Variants in CACNG1 observed in about 807,000 individuals in gnomAD.
CACNG1 encodes the protein voltage-dependent calcium channel gamma-1 subunit.
CACNG1 carries 21 observed loss-of-function variants against 22.0 expected under a neutral mutation model. The ratio of observed to expected loss-of-function variants is 0.95; its 90% CI spans 0.68 to 1.37. The LOEUF is 1.37. CACNG1 is among the 40% of genes most tolerant of loss of function. CACNG1 has a pLI of 0.00. For missense variants in CACNG1, 291 were observed against 308.6 expected, an observed-to-expected ratio of 0.94 and a Z score of 0.43; for synonymous variants, 127 against 129.2, an observed-to-expected ratio of 0.98 and a Z score of 0.12.
rs983507863 is a variant in CACNG1 at position 67,054,431 on chromosome 17, C to G, written c.304+361C>G. Among the ~76,000 whole-genome samples the G allele has an allele frequency of 1.3e-5, 2 of 152,210 alleles. No homozygotes were observed. The highest frequency in any genetic ancestry group is 2.4e-5 in the African/African-American group (1 of 41,456). On this transcript the variant is annotated intron_variant, in intron 2 of 3. Coordinates refer to ENST00000226021, the MANE Select transcript of CACNG1 (RefSeq NM_000727.4). This position sits in a 1 kb window ranked among gnomAD's most constrained non-coding sequence, Gnocchi z 4.6. ...ATGTGATAGTTAGAGTCTGCAGGGA[C>G]AGTCTGAGTCCCTCCCTGGCCTAGA...
chr17:67,045,797 A>G (rs1237592112), intron 1 of CACNG1, among the ~76,000 whole-genome samples: 1 of 151,916 alleles, frequency 6.6e-6, no homozygotes, highest in African/African-American at 2.4e-5. Flanking sequence ...TGCTGGGATT[A>G]CAGACGTGAG....
rs753370294 is a variant in CACNG1 at position 67,044,665 on chromosome 17, C to G, written c.5C>G (p.Ser2Cys). The G allele has an allele frequency of 3.1e-6, 5 of 1,604,008 alleles. No individual in the cohort carries two copies. The highest frequency in any genetic ancestry group is 2.7e-5 in the African/African-American group (2 of 74,912). ...ACCCACGCCTCGGCGACCACCATGTCCCAGACCAAAATGCTGAAGGTCCGC... is the reference window on the plus strand; with the variant it reads ...ACCCACGCCTCGGCGACCACCATGTGCCAGACCAAAATGCTGAAGGTCCGC... M[S>C]QTKMLKVRVT... Residue 2 changes from serine (S) to cysteine (C), a missense_variant, in exon 1 of 4, where the codon TCC (serine) becomes TGC (cysteine). Transcript: ENST00000226021. This position sits in a 1 kb window ranked among gnomAD's most constrained non-coding sequence, Gnocchi z 6.9.
rs2035763020 is a variant in CACNG1 at position 67,056,465 on chromosome 17, A to C, written c.*194A>C. 1 of 600,246 alleles carries C rather than the reference A, an allele frequency of 1.7e-6. No homozygotes were observed. The highest frequency in any genetic ancestry group is 2.0e-5 in the South Asian group (1 of 50,520). 37.2% of individuals were successfully genotyped at this position (600,246 alleles called of 1,614,324 possible). A position where few individuals can be genotyped will look rare whatever the true frequency, so the allele number is the denominator to read the frequency against. ...CAGGCTCCCCTGGGAATAGAGCAAGACGTGAGTCCTAACCTGGCCACAGTT... is the reference window on the plus strand; with the variant it reads ...CAGGCTCCCCTGGGAATAGAGCAAGCCGTGAGTCCTAACCTGGCCACAGTT... On this transcript the variant is annotated 3_prime_UTR_variant, in exon 4 of 4. Transcript: ENST00000226021. This position sits in a 1 kb window ranked among gnomAD's most constrained non-coding sequence, Gnocchi z 4.3.
In CACNG1 at chr17:67,054,283, G is replaced by C. The variant is rs531357766; in HGVS notation, c.304+213G>C. ...CCAGGGCCCGGAGCTTCCACACCTC[G>C]GGGCCAGGGAGCGTTTGCAGAAGCA... On this transcript the variant is annotated intron_variant, in intron 2 of 3. Transcript: ENST00000226021. The surrounding 1 kb of genome is among the most constrained non-coding windows in gnomAD (Gnocchi z 4.6). Among the ~76,000 whole-genome samples, 22 of 152,320 alleles carry C rather than the reference G, an allele frequency of 1.4e-4. No homozygotes were observed. In the South Asian group the frequency reaches 4.2e-3, roughly 29 times the overall value.
chr17:67,055,243 A>C lies in CACNG1; in HGVS notation c.442+3A>C. ...GTCCATGTTCTATGCCTTTGCAGGT[A>C]GACTGGGGGATCTGCCTGAGCGCCG... On this transcript the variant is annotated splice_donor_region_variant and intron_variant, in intron 3 of 3. Coordinates refer to ENST00000226021, the MANE Select transcript of CACNG1 (RefSeq NM_000727.4). This position sits in a 1 kb window ranked among gnomAD's most constrained non-coding sequence, Gnocchi z 4.5. 6.2e-7 allele frequency: 1 copy of C among 1,610,746 alleles called. No homozygotes were observed. Among genetic ancestry groups the C allele is most frequent in the Non-Finnish European group, 8.5e-7 (1 of 1,177,408 alleles).
At chr17:67,051,905 C>T (rs994490111) in intron 1 of CACNG1, among the ~76,000 whole-genome samples, 7 of 152,214 alleles carry the variant, frequency 4.6e-5, no homozygotes, top group Non-Finnish European at 1.0e-4. Context: ...CAGGGCCCTC[C>T]GCTGGGAAGG....
At chr17:67,047,181 C>T (rs752585760) in intron 1 of CACNG1, among the ~76,000 whole-genome samples, 9 of 152,036 alleles carry the variant, frequency 5.9e-5, no homozygotes, top group Middle Eastern at 3.4e-3. Context: ...TTGTTGTAAA[C>T]GCTTTACATA....
At chr17:67,050,816 G>A (rs1405883765) in intron 1 of CACNG1, among the ~76,000 whole-genome samples, 2 of 152,194 alleles carry the variant, frequency 1.3e-5, no homozygotes, top group Non-Finnish European at 2.9e-5. Flanking sequence ...TCAAGTCTGA[G>A]AGCTGAGTTC....
intron 1 of CACNG1, 34 bp from the exon 2 acceptor site, chr17:67,053,962 C>T (rs761117725): frequency 1.3e-6 from 2 of 1,560,510 alleles, no homozygotes; most frequent in Admixed American, 3.3e-5. Context: ...ACGGGTTGCT[C>T]CCCTCAACTC....
At chr17:67,045,321 C>A (rs941613880) in intron 1 of CACNG1, among the ~76,000 whole-genome samples, 1 of 152,066 alleles carries the variant, frequency 6.6e-6, no homozygotes, top group Non-Finnish European at 1.5e-5. Flanking sequence ...AGAGCATAGG[C>A]GATGGAATTT....
chr17:67,054,910 GA>G lies in CACNG1; in HGVS notation c.305-192del, dbSNP rs2035751170. ...TGCATGACACACAATGACACACACA[GA>G]CACTGACACACACACAGATACACAC... On this transcript the variant is annotated intron_variant, in intron 2 of 3. Coordinates refer to ENST00000226021, the MANE Select transcript of CACNG1 (RefSeq NM_000727.4). The surrounding 1 kb of genome is among the most constrained non-coding windows in gnomAD (Gnocchi z 4.6). 6.9e-6 allele frequency among the ~76,000 whole-genome samples: 1 copy of G among 144,132 alleles called. No individual in the cohort carries two copies. Among genetic ancestry groups the G allele is most frequent in the South Asian group, 2.1e-4 (1 of 4,662 alleles). The allele number at this position is 144,132 out of a possible 152,430, so 94.6% of individuals were successfully genotyped here.
chr17:67,056,054 T>A lies in CACNG1; in HGVS notation c.452T>A (p.Ile151Asn), dbSNP rs780232550. The A allele has an allele frequency of 4.3e-6, 7 of 1,610,090 alleles. No individual in the cohort carries two copies. The African/African-American group carries it at 8.0e-5, about 18-fold the overall frequency. ...SMFYAFAGLC[I>N]LVSVEVMRQS... ...CTGGCTCTGCCCCCAGGTCTCTGCATCCTCGTCTCGGTGGAGGTCATGCGG... is the reference window on the plus strand; with the variant it reads ...CTGGCTCTGCCCCCAGGTCTCTGCAACCTCGTCTCGGTGGAGGTCATGCGG... The change falls in exon 4 of 4, where the codon ATC becomes AAC. Residue 151 changes from isoleucine to asparagine, a missense_variant. By Grantham distance (149) the Ile-to-Asn change is moderately radical. Coordinates refer to ENST00000226021, the MANE Select transcript of CACNG1 (RefSeq NM_000727.4). This position sits in a 1 kb window ranked among gnomAD's most constrained non-coding sequence, Gnocchi z 4.3.
chr17:67,055,077 A>G lies in CACNG1; in HGVS notation c.305-26A>G. The G allele has an allele frequency of 6.2e-7, 1 of 1,604,924 alleles. No individual in the cohort carries two copies. The highest frequency in any genetic ancestry group is 8.5e-7 in the Non-Finnish European group (1 of 1,173,322). On this transcript the variant is annotated intron_variant, in intron 2 of 3. Coordinates refer to ENST00000226021, the MANE Select transcript of CACNG1 (RefSeq NM_000727.4). The surrounding 1 kb of genome is among the most constrained non-coding windows in gnomAD (Gnocchi z 4.5). ...ACAAGAGCTCCCATGCTGAGGCCGC[A>G]TGCTGGGTGTCCCTTGTGTTTGCAG...
chr17:67,048,941 A>G (rs532155031), intron 1 of CACNG1, among the ~76,000 whole-genome samples: 1 of 152,302 alleles, frequency 6.6e-6, no homozygotes, highest in South Asian at 2.1e-4. Context: ...GGACACCATC[A>G]AGTTTATGTA....
In CACNG1 at chr17:67,054,953, AAGAC is replaced by A. The variant is rs1339813903; in HGVS notation, c.305-144_305-141del. 1.7e-5 allele frequency: 13 copies of A among 779,116 alleles called. No individual in the cohort carries two copies. The highest frequency in any genetic ancestry group is 1.0e-4 in the Admixed American group (4 of 38,642). 48.3% of individuals were successfully genotyped at this position (779,116 alleles called of 1,614,324 possible). A position where few individuals can be genotyped will look rare whatever the true frequency, so the allele number is the denominator to read the frequency against. ...GATACACACATACAATGACACACAC[AAGAC>A]AGACACAGAGACACACACTTGACAC... is the stretch of plus-strand genomic sequence containing the variant. On this transcript the variant is annotated intron_variant, in intron 2 of 3. Transcript: ENST00000226021. The surrounding 1 kb of genome is among the most constrained non-coding windows in gnomAD (Gnocchi z 4.6).
At chr17:67,046,813 A>G (rs1319562845) in intron 1 of CACNG1, among the ~76,000 whole-genome samples, 1 of 152,232 alleles carries the variant, frequency 6.6e-6, no homozygotes, top group Non-Finnish European at 1.5e-5. Flanking sequence ...CACAAGGAAG[A>G]GACAGGCTGG....
chr17:67,049,037 T>C (rs1484425905), intron 1 of CACNG1, among the ~76,000 whole-genome samples: 1 of 152,120 alleles, frequency 6.6e-6, no homozygotes, highest in Non-Finnish European at 1.5e-5. Flanking sequence ...CCAAATTGGA[T>C]GAAAAACGTT....
chr17:67,049,385 C>T (rs778245670), intron 1 of CACNG1, among the ~76,000 whole-genome samples: 2 of 152,168 alleles, frequency 1.3e-5, no homozygotes, highest in African/African-American at 2.4e-5. Flanking sequence ...CAAGGTAACA[C>T]AGGTGATGAG....
intron 1 of CACNG1, among the ~76,000 whole-genome samples, chr17:67,046,864 T>C (rs769268078): frequency 2.0e-5 from 3 of 152,246 alleles, no homozygotes; most frequent in Non-Finnish European, 2.9e-5. Flanking sequence ...CAACAGGCAT[T>C]GCTTGGCCTT....
Sources: gnomAD v4.1 joint callset for allele counts (sites outside exome capture counted in the v4.1 genomes callset) on GRCh38, gnomAD v4.1.1 for gene constraint, Gnocchi (gnomAD v3.1) non-coding constraint, MANE v1.5 for transcripts, NCBI Gene and HGNC (gene_info 2026-07-23, HGNC 2026-07-21) for gene names.